LEF1: variants seen among roughly 807,000 people sequenced by gnomAD.
The protein encoded by LEF1 is lymphoid enhancer binding factor 1, also known as lymphoid enhancer-binding factor 1.
In LEF1, 14 loss-of-function variants were observed where a neutral mutation model predicts 51.2. The ratio of observed to expected loss-of-function variants is 0.27; its 90% CI spans 0.18 to 0.43. The LOEUF (loss-of-function observed/expected upper bound fraction) is 0.43. Ranked by LOEUF, LEF1 falls within the 20% of genes least tolerant of loss-of-function variation. The pLI, the probability that LEF1 is intolerant of heterozygous loss-of-function variation, is 1.00. For synonymous variants in LEF1, 185 were observed against 183.2 expected, an observed-to-expected ratio of 1.01 and a Z score of -0.08; for missense variants, 386 against 512.0, an observed-to-expected ratio of 0.75 and a Z score of 2.37.
chr4:108,059,711 T>C (rs1737545240), intron 11 of LEF1, among the ~76,000 whole-genome samples: 1 of 152,034 alleles, frequency 6.6e-6, no homozygotes. Flanking sequence ...GTTTGTTTTT[T>C]GCGTTTTTTG....
chr4:108,049,554 C>T (rs1381339110), intron 11 of LEF1, among the ~76,000 whole-genome samples: 1 of 152,198 alleles, frequency 6.6e-6, no homozygotes, highest in Non-Finnish European at 1.5e-5. Context: ...TTCCTTCACT[C>T]CAGAGAGCAC....
At chr4:108,141,742 C>G in intron 3 of LEF1, among the ~76,000 whole-genome samples, 1 of 152,168 alleles carries the variant, frequency 6.6e-6, no homozygotes, top group East Asian at 1.9e-4. Flanking sequence ...TGGATTGCAG[C>G]TGCATTACAT....
intron 11 of LEF1, among the ~76,000 whole-genome samples, chr4:108,051,634 C>T (rs1278177569): frequency 6.6e-6 from 1 of 152,156 alleles, no homozygotes; most frequent in Non-Finnish European, 1.5e-5. Context: ...AGGCAAGGCC[C>T]ATCTTACATA....
intron 11 of LEF1, among the ~76,000 whole-genome samples, chr4:108,049,153 G>A (rs985475318): frequency 2.0e-5 from 3 of 152,162 alleles, no homozygotes; most frequent in African/African-American, 7.2e-5. Flanking sequence ...TCCACTGTGG[G>A]AAGCCACTGT....
chr4:108,128,680 C>T (rs1050598001), intron 3 of LEF1, among the ~76,000 whole-genome samples: 5 of 151,910 alleles, frequency 3.3e-5, no homozygotes, highest in African/African-American at 1.2e-4. Flanking sequence ...AGAAGCCATA[C>T]CTATTGAAAA....
At chr4:108,149,933 C>T (rs1054083225) in intron 3 of LEF1, among the ~76,000 whole-genome samples, 10 of 150,044 alleles carry the variant, frequency 6.7e-5, no homozygotes, top group African/African-American at 2.5e-4. Context: ...GGTTTTCCCC[C>T]GTTTTTATAT....
intron 11 of LEF1, among the ~76,000 whole-genome samples, chr4:108,049,253 C>A (rs1345672296): frequency 6.6e-6 from 1 of 152,184 alleles, no homozygotes; most frequent in Non-Finnish European, 1.5e-5. Flanking sequence ...ACACTCACAG[C>A]CCAGAGGATA....
chr4:108,089,479 A>G (rs1017754834), intron 3 of LEF1, among the ~76,000 whole-genome samples: 1 of 152,206 alleles, frequency 6.6e-6, no homozygotes, highest in African/African-American at 2.4e-5. Context: ...TTCATGAGTT[A>G]TCAGTTATTT....
rs1399369908 is a variant in LEF1, at chr4:108,092,931, A to AC, written c.415-3675_415-3674insG. ...CAATGAATATGTAAAAAAAAAAAAA[A>AC]AAAAAAAAAAAAAAAAAAGACAAGC... On this transcript the variant is annotated intron_variant, in intron 3 of 11. Transcript: ENST00000265165. Among the ~76,000 whole-genome samples, 132 of 146,090 alleles carry AC rather than the reference A, an allele frequency of 9.0e-4. 7 individuals are homozygous for AC. Among genetic ancestry groups the AC allele is most frequent in the East Asian group, 2.7e-3 (14 of 5,108 alleles).
chr4:108,150,737 A>G (rs77831519), intron 3 of LEF1, among the ~76,000 whole-genome samples: 1,614 of 152,298 alleles, frequency 0.011, 33 homozygotes, highest in African/African-American at 0.036. Context: ...CATTCAAGTA[A>G]CTTCTCTGTG....
chr4:108,061,260 G>A (rs187293020), intron 11 of LEF1, among the ~76,000 whole-genome samples: 4 of 152,178 alleles, frequency 2.6e-5, no homozygotes, highest in Admixed American at 1.3e-4. Flanking sequence ...TTTTTCTTGC[G>A]CAGGATAGAG....
At chr4:108,110,407 T>C (rs1442197967) in intron 3 of LEF1, among the ~76,000 whole-genome samples, 2 of 152,222 alleles carry the variant, frequency 1.3e-5, no homozygotes, top group African/African-American at 4.8e-5. Context: ...GTGAAACTAC[T>C]GCTTGTCTGT....
intron 3 of LEF1, among the ~76,000 whole-genome samples, chr4:108,095,573 G>C (rs910278241): frequency 2.6e-5 from 4 of 152,106 alleles, no homozygotes; most frequent in African/African-American, 9.7e-5. Context: ...CTGTAATGAA[G>C]CATCTAGAGA....
intron 1 of LEF1, 60 bp from the exon 2 acceptor site, chr4:108,165,223 A>T: frequency 6.8e-7 from 1 of 1,472,910 alleles, no homozygotes; most frequent in Non-Finnish European, 9.5e-7. Context: ...TTGTGACAAT[A>T]ATGGTACAAA....
intron 3 of LEF1, among the ~76,000 whole-genome samples, chr4:108,130,026 T>C (rs1463994648): frequency 1.3e-5 from 2 of 152,192 alleles, no homozygotes; most frequent in Non-Finnish European, 2.9e-5. Flanking sequence ...AGGTATTCAA[T>C]AGTGATCCCA....
intron 1 of LEF1, chr4:108,166,319 G>C: frequency 6.5e-7 from 1 of 1,531,098 alleles, no homozygotes. Context: ...TCTTAAACGC[G>C]CTGTTTAAAA....
At chr4:108,158,505 A>G (rs902023710) in intron 3 of LEF1, among the ~76,000 whole-genome samples, 2 of 152,178 alleles carry the variant, frequency 1.3e-5, no homozygotes, top group African/African-American at 4.8e-5. Context: ...CTGGGAATAA[A>G]ACATATATGT....
At chr4:108,058,883 C>T (rs547402831) in intron 11 of LEF1, among the ~76,000 whole-genome samples, 5 of 152,294 alleles carry the variant, frequency 3.3e-5, no homozygotes, top group African/African-American at 9.6e-5. Flanking sequence ...GTTCATGACA[C>T]CGGTCTTCCA....
At chr4:108,083,942 TA>T (rs1267142271) in intron 4 of LEF1, among the ~76,000 whole-genome samples, 1 of 152,196 alleles carries the variant, frequency 6.6e-6, no homozygotes, top group Non-Finnish European at 1.5e-5. Flanking sequence ...AAAGATTAAT[TA>T]GGAATCATCT....
Sources: gnomAD v4.1 joint callset for allele counts (sites outside exome capture counted in the v4.1 genomes callset) on GRCh38, gnomAD v4.1.1 for gene constraint, MANE v1.5 for transcripts, NCBI Gene and HGNC (gene_info 2026-07-23, HGNC 2026-07-21) for gene names.